Variants in SIGLEC11 observed in about 807,000 individuals in gnomAD.
SIGLEC11 encodes sialic acid-binding Ig-like lectin 11.
In SIGLEC11, 47 loss-of-function variants were observed where a neutral mutation model predicts 61.2. The observed-to-expected ratio is 0.77, with a 90% CI of 0.61 to 0.98. The LOEUF (loss-of-function observed/expected upper bound fraction) is 0.98. Ranked by LOEUF, SIGLEC11 falls within the 50% of genes least tolerant of loss-of-function variation. The pLI is 0.00. For missense variants in SIGLEC11, 610 were observed against 870.3 expected (o/e 0.70, Z 3.76); for synonymous variants, 278 against 373.1 (o/e 0.75, Z 2.94).
Position 49,959,095 on chromosome 19 carries a change from G to T in SIGLEC11, c.1058-18C>A. Reference sequence around the variant, plus strand: ...TGGAGGATCTGAAATGGAGACAGGGGACCGGCTCTAGACAGACCAGGGGCT... The same window carrying T: ...TGGAGGATCTGAAATGGAGACAGGGTACCGGCTCTAGACAGACCAGGGGCT... On this transcript the variant is annotated intron_variant, in intron 5 of 10. Transcript: ENST00000447370. 6 of 1,613,848 alleles carry T rather than the reference G, an allele frequency of 3.7e-6. No individual in the cohort carries two copies. Among genetic ancestry groups the T allele is most frequent in the Non-Finnish European group, 4.2e-6 (5 of 1,179,828 alleles).
Position 49,949,825 on chromosome 19 carries a change from G to A in SIGLEC11, c.*145C>T, listed in dbSNP as rs1485899703. 1.2e-6 allele frequency: 1 copy of A among 863,110 alleles called. No individual in the cohort carries two copies. The highest frequency in any genetic ancestry group is 1.6e-6 in the Non-Finnish European group (1 of 641,328). 53.5% of individuals were successfully genotyped at this position (863,110 alleles called of 1,614,324 possible). ...CCACTGGACTCTGGCCTGGAGGACA[G>A]AGTCAGACCCTGTCTCAAAAAAAGT... On this transcript the variant is annotated 3_prime_UTR_variant, in exon 11 of 11. Transcript: ENST00000447370.
At chr19:49,956,570 G>A (rs1392717268) in intron 8 of SIGLEC11, among the ~76,000 whole-genome samples, 1 of 151,742 alleles carries the variant, frequency 6.6e-6, no homozygotes, top group African/African-American at 2.4e-5. Flanking sequence ...AAACTTTAAG[G>A]TATCCTGTCT....
Position 49,956,373 on chromosome 19 carries a change from C to G in SIGLEC11, c.1651+1910G>C, listed in dbSNP as rs1417820988. Among the ~76,000 whole-genome samples the G allele has an allele frequency of 2.6e-5, 4 of 152,200 alleles. No individual in the cohort carries two copies. In the East Asian group the frequency reaches 7.7e-4, roughly 29 times the overall value. On this transcript the variant is annotated intron_variant, in intron 8 of 10. Coordinates refer to ENST00000447370, the MANE Select transcript of SIGLEC11 (RefSeq NM_052884.3). ...GCAAATGACCTCATCCAAATCCGTT[C>G]CCTGTTTCTCTTCTTTAAATCACAC...
chr19:49,953,041 C>T (rs1270671910), intron 8 of SIGLEC11, among the ~76,000 whole-genome samples: 6 of 152,152 alleles, frequency 3.9e-5, no homozygotes, highest in Non-Finnish European at 2.9e-5. Context: ...CTCAGTTTCC[C>T]GCAGCATTTT....
rs780930006 is a variant in SIGLEC11, at chr19:49,950,035, G to C, written c.2032C>G (p.Pro678Ala). The C allele has an allele frequency of 6.3e-7, 1 of 1,589,442 alleles. No individual in the cohort carries two copies. Among genetic ancestry groups the C allele is most frequent in the Admixed American group, 1.7e-5 (1 of 57,662 alleles). Residue 678 changes from proline to alanine, a missense_variant, in exon 11 of 11, where the codon CCC (proline) becomes GCC (alanine). Coordinates refer to ENST00000447370, the MANE Select transcript of SIGLEC11 (RefSeq NM_052884.3). ...YSEIKIHTGQ[P>A]LRGPGFGLQL... The stretch of plus-strand genomic sequence containing the variant: ...AGCCCAAAGCCTGGGCCCCTCAGGG[G>C]CTGTCCTGTGTGGATCTTGATCTCC...
At chr19:49,953,542 CAG>C (rs1337773691) in intron 8 of SIGLEC11, among the ~76,000 whole-genome samples, 1 of 152,162 alleles carries the variant, frequency 6.6e-6, no homozygotes, top group Non-Finnish European at 1.5e-5. Context: ...AAGTGTGTAA[CAG>C]TGTGTAAATG....
Position 49,950,256 on chromosome 19 carries a change from G to T in SIGLEC11, c.1831-20C>A. On this transcript the variant is annotated intron_variant, in intron 10 of 10. Transcript: ENST00000447370. ...GTGACCCTGAATGCAGGGGAGAAAGGGGGTCAAATTAGGGTCATGGGGGCT... is the reference window on the plus strand; with the variant it reads ...GTGACCCTGAATGCAGGGGAGAAAGTGGGTCAAATTAGGGTCATGGGGGCT... The T allele has an allele frequency of 2.6e-6, 4 of 1,540,174 alleles. No homozygotes were observed. The highest frequency in any genetic ancestry group is 2.3e-5 in the East Asian group (1 of 43,336).
At chr19:49,953,330 C>T (rs899815522) in intron 8 of SIGLEC11, among the ~76,000 whole-genome samples, 1 of 152,188 alleles carries the variant, frequency 6.6e-6, no homozygotes, top group Non-Finnish European at 1.5e-5. Flanking sequence ...GAAGGGGAGG[C>T]TGATCACTTC....
At position 49,960,824 on chromosome 19, in the gene SIGLEC11, C is replaced by T. The variant is rs368552738; in HGVS notation, c.188G>A (p.Trp63Ter). 26 of 1,613,122 alleles carry T rather than the reference C, an allele frequency of 1.6e-5. No individual in the cohort carries two copies. The highest frequency in any genetic ancestry group is 2.2e-5 in the Non-Finnish European group (26 of 1,179,970). The change falls in exon 2 of 11, where the codon TGG becomes TAG. Residue 63 changes from tryptophan (W) to a stop codon, truncating the protein, a stop_gained. Transcript: ENST00000447370. LOFTEE classifies it high-confidence loss of function. The stretch of plus-strand genomic sequence containing the variant: ...GCCATAAGCAGCAGTAGACTCGTCC[C>T]AGCCATCCCGGGGGTAGGAGAGGTT... The part of the protein sequence containing the change: ...SCNLSYPRDG[W>*]DESTAAYGYW...
rs1327885256 is a variant in SIGLEC11 at position 49,958,863 on chromosome 19, G to T, written c.1143C>A (p.Val381=). 6 of 1,604,032 alleles carry T rather than the reference G, an allele frequency of 3.7e-6. No individual in the cohort carries two copies. In the South Asian group the frequency reaches 5.6e-5, roughly 15 times the overall value. Residue 381 remains valine, a synonymous_variant, in exon 7 of 11, where the codon GTC becomes GTA. Transcript: ENST00000447370. ...CCAGGCGCAGGCTTTGGCCCTCCAGGACCGGGAGGGATGTGCCGTTCCCGA... is the reference window on the plus strand; with the variant it reads ...CCAGGCGCAGGCTTTGGCCCTCCAGTACCGGGAGGGATGTGCCGTTCCCGA... ...ENLGNGTSLP[V]LEGQSLRLVC...
rs1306665400 is a variant in SIGLEC11 at position 49,950,109 on chromosome 19, C to T, written c.1958G>A (p.Arg653Lys). Reference protein sequence around the residue: ...HYASLSFQGLRLWEPADQEAP... With the variant: ...HYASLSFQGLKLWEPADQEAP... Reference sequence around the variant, plus strand: ...CTCCTGGTCCGCAGGCTCCCAGAGCCTCAGGCCCTGGAAGCTGAGGGAGGC... The same window carrying T: ...CTCCTGGTCCGCAGGCTCCCAGAGCTTCAGGCCCTGGAAGCTGAGGGAGGC... Residue 653 changes from arginine to lysine, a missense_variant, in exon 11 of 11, where the codon AGG (arginine) becomes AAG (lysine). Transcript: ENST00000447370. The T allele has an allele frequency of 2.5e-6, 4 of 1,612,692 alleles. No individual in the cohort carries two copies. The highest frequency in any genetic ancestry group is 1.7e-6 in the Non-Finnish European group (2 of 1,179,504).
chr19:49,949,846 A>G lies in SIGLEC11; in HGVS notation c.*124T>C. 3.6e-6 allele frequency: 4 copies of G among 1,097,088 alleles called. No individual in the cohort carries two copies. Among genetic ancestry groups the G allele is most frequent in the Non-Finnish European group, 4.7e-6 (4 of 846,784 alleles). 68.0% of individuals were successfully genotyped at this position (1,097,088 alleles called of 1,614,324 possible). A position where few individuals can be genotyped will look rare whatever the true frequency, so the allele number is the denominator to read the frequency against. On this transcript the variant is annotated 3_prime_UTR_variant, in exon 11 of 11. Transcript: ENST00000447370. ...GACAGAGTCAGACCCTGTCTCAAAA[A>G]AAGTATAATCTTCAAACTCAAGCTC...
rs2076158232 is a variant in SIGLEC11 at position 49,951,568 on chromosome 19, G to A, written c.1830+323C>T. Among the ~76,000 whole-genome samples, 1 of 152,152 alleles carries A rather than the reference G, an allele frequency of 6.6e-6. No individual in the cohort carries two copies. Among genetic ancestry groups the A allele is most frequent in the Admixed American group, 6.5e-5 (1 of 15,282 alleles). ...TGAGGAAAGGACTCTCTGGCATCCT[G>A]TGTTGAGGAGGAGAGATAGGAGGGA... On this transcript the variant is annotated intron_variant, in intron 10 of 10. Transcript: ENST00000447370. The surrounding 1 kb of genome is among the most constrained non-coding windows in gnomAD (Gnocchi z 4.6).
chr19:49,949,314 G>A lies in SIGLEC11; in HGVS notation c.*656C>T, dbSNP rs1395505252. 1 of 151,204 alleles carries A rather than the reference G, an allele frequency of 6.6e-6. No homozygotes were observed. Among genetic ancestry groups the A allele is most frequent in the Non-Finnish European group, 1.5e-5 (1 of 67,894 alleles). The allele number at this position is 151,204 out of a possible 1,614,324, so 9.4% of individuals were successfully genotyped here. On this transcript the variant is annotated 3_prime_UTR_variant, in exon 11 of 11. Coordinates refer to ENST00000447370, the MANE Select transcript of SIGLEC11 (RefSeq NM_052884.3). Reference sequence around the variant, plus strand: ...TTTTTTTTTTTAAATGTTCAAATGGGAACCACTTGGACTTGGTCCTCTCAC... The same window carrying A: ...TTTTTTTTTTTAAATGTTCAAATGGAAACCACTTGGACTTGGTCCTCTCAC...
At chr19:49,952,161 C>T (rs1020246997) in intron 9 of SIGLEC11, 137 bp downstream of exon 9, 1 of 1,050,018 alleles carries the variant, frequency 9.5e-7, no homozygotes, top group African/African-American at 1.6e-5. Context: ...CTGGAGCAGA[C>T]CCCTGCTCTG....
At position 49,955,217 on chromosome 19, in the gene SIGLEC11, C is replaced by T. The variant is rs1285839113; in HGVS notation, c.1652-2823G>A. 6.6e-6 allele frequency among the ~76,000 whole-genome samples: 1 copy of T among 150,778 alleles called. No homozygotes were observed. Among genetic ancestry groups the T allele is most frequent in the East Asian group, 2.0e-4 (1 of 5,050 alleles). On this transcript the variant is annotated intron_variant, in intron 8 of 10. Transcript: ENST00000447370. The surrounding 1 kb of genome is among the most constrained non-coding windows in gnomAD (Gnocchi z 4.5). Reference sequence around the variant, plus strand: ...GAAAGAGCGAAAGCAACAAGCGAGGCACCAAGCAGCTAGGCACACCAAGGG... The same window carrying T: ...GAAAGAGCGAAAGCAACAAGCGAGGTACCAAGCAGCTAGGCACACCAAGGG...
chr19:49,956,433 G>C (rs769924688), intron 8 of SIGLEC11, among the ~76,000 whole-genome samples: 7 of 152,086 alleles, frequency 4.6e-5, no homozygotes, highest in Non-Finnish European at 1.0e-4. Context: ...TACTTGGCAA[G>C]CACCTCCTAG....
Position 49,958,980 on chromosome 19 carries a change from G to A in SIGLEC11, c.1105+50C>T, listed in dbSNP as rs756770690. ...GTGTGGGGACCCTCCAGACTCCTGG[G>A]CCCCCAGTTTGGCACTGAGAGGCCC... On this transcript the variant is annotated intron_variant, in intron 6 of 10. Coordinates refer to ENST00000447370, the MANE Select transcript of SIGLEC11 (RefSeq NM_052884.3). 10 of 1,613,314 alleles carry A rather than the reference G, an allele frequency of 6.2e-6. No individual in the cohort carries two copies. In the East Asian group the frequency reaches 1.3e-4, roughly 22 times the overall value.
chr19:49,950,192 C>G lies in SIGLEC11; in HGVS notation c.1875G>C (p.Pro625=). The change falls in exon 11 of 11, where the codon CCG becomes CCC. Residue 625 remains proline (P), a synonymous_variant. Transcript: ENST00000447370. ...ECSAGSSQDH[P]PPGAATYTPG... is the part of the protein sequence containing the mutation. The stretch of plus-strand genomic sequence containing the variant: ...GGGTGTAGGTGGCTGCACCTGGGGG[C>G]GGGTGGTCTTGGGAGCTGCCTGCCG... 1 of 1,602,752 alleles carries G rather than the reference C, an allele frequency of 6.2e-7. No individual in the cohort carries two copies. Among genetic ancestry groups the G allele is most frequent in the East Asian group, 2.2e-5 (1 of 44,610 alleles).
Sources: gnomAD v4.1 joint callset for allele counts (sites outside exome capture counted in the v4.1 genomes callset) on GRCh38, gnomAD v4.1.1 for gene constraint, Gnocchi (gnomAD v3.1) non-coding constraint, MANE v1.5 for transcripts, NCBI Gene and HGNC (gene_info 2026-07-23, HGNC 2026-07-21) for gene names.